ZNF821: variants seen among roughly 807,000 people sequenced by gnomAD.
ZNF821 encodes zinc finger protein 821.
Under a neutral mutation model 44.3 loss-of-function variants are expected in ZNF821, and 16 were observed. The observed-to-expected ratio is 0.36, with a 90% CI of 0.24 to 0.55. The LOEUF is 0.55. ZNF821 is among the 20% of genes least tolerant of loss of function. The pLI is 0.86. For missense variants in ZNF821, 436 were observed against 547.6 expected, an observed-to-expected ratio of 0.80 and a Z score of 2.03; for synonymous variants, 204 against 197.6, an observed-to-expected ratio of 1.03 and a Z score of -0.27.
intron 3 of ZNF821, 21 bp from the exon 4 acceptor site, chr16:71,868,058 T>C (rs925429256): frequency 3.1e-5 from 47 of 1,530,560 alleles, no homozygotes; most frequent in East Asian, 1.2e-4. Context: ...CAAGGAAAAA[T>C]AGTCAGGCCA....
chr16:71,887,967 A>G (rs2036868009), upstream of ZNF821, among the ~76,000 whole-genome samples: 1 of 151,044 alleles, frequency 6.6e-6, no homozygotes, highest in African/African-American at 2.4e-5. Context: ...AGCTCAGGTG[A>G]TCATCCCACC....
rs374644793 is a variant in ZNF821, at chr16:71,860,406, C to T, written c.851G>A (p.Arg284Gln). 5.0e-6 allele frequency: 8 copies of T among 1,612,688 alleles called. No individual in the cohort carries two copies. The highest frequency in any genetic ancestry group is 1.3e-5 in the African/African-American group (1 of 74,928). ...LERERTAKKSRRDNETPEERE... is the reference protein window; with the variant it reads ...LERERTAKKSQRDNETPEERE... ...CTCCTCGGGGGTCTCATTGTCCCGC[C>T]GGCTCTTCTTGGCCGTGCGCTCTCG... is the stretch of plus-strand genomic sequence containing the variant. The change falls in exon 8 of 8, where the codon CGG becomes CAG. Residue 284 changes from arginine to glutamine, a missense_variant. Arg to Gln is a conservative substitution (Grantham distance 43). This residue lies in a region of ZNF821 where 72 missense variants were observed against 133.3 expected (regional missense o/e 0.54). Transcript: ENST00000425432. The surrounding 1 kb of genome is among the most constrained non-coding windows in gnomAD (Gnocchi z 7.3).
rs1419948920 is a variant in ZNF821 at position 71,883,270 on chromosome 16, G to C, written c.-137C>G. The C allele has an allele frequency of 1.5e-5, 7 of 452,054 alleles. No individual in the cohort carries two copies. In the East Asian group the frequency reaches 4.9e-4, roughly 31 times the overall value. 28.0% of individuals were successfully genotyped at this position (452,054 alleles called of 1,614,324 possible). On this transcript the variant is annotated 5_prime_UTR_variant, in exon 2 of 8. Transcript: ENST00000425432. Reference sequence around the variant, plus strand: ...AAACTCGACTGAATCCAAGTGATCTGTATCTGCCAAAAAGGAGAGGACAAG... The same window carrying C: ...AAACTCGACTGAATCCAAGTGATCTCTATCTGCCAAAAAGGAGAGGACAAG...
intron 3 of ZNF821, among the ~76,000 whole-genome samples, chr16:71,872,169 G>C (rs770432559): frequency 2.6e-5 from 4 of 152,128 alleles, no homozygotes; most frequent in Non-Finnish European, 5.9e-5. Context: ...ACAAGGCCAT[G>C]TAAGCAAGTT....
chr16:71,872,474 G>A (rs1309142740), intron 3 of ZNF821, among the ~76,000 whole-genome samples: 4 of 152,064 alleles, frequency 2.6e-5, no homozygotes, highest in South Asian at 2.1e-4. Context: ...ATTAGCCGGC[G>A]TGGTGGCAGG....
chr16:71,877,414 C>T (rs1369513715), intron 3 of ZNF821, among the ~76,000 whole-genome samples: 1 of 151,994 alleles, frequency 6.6e-6, no homozygotes, highest in Admixed American at 6.6e-5. Context: ...ATGTATGCCC[C>T]CAGGCCTAGT....
At chr16:71,882,782 T>C (rs1056944215) in intron 2 of ZNF821, among the ~76,000 whole-genome samples, 1 of 152,204 alleles carries the variant, frequency 6.6e-6, no homozygotes, top group African/African-American at 2.4e-5. Flanking sequence ...AAGGACACTC[T>C]TGACCACAAA....
intron 1 of ZNF821, chr16:71,894,750 G>T: frequency 1.1e-6 from 1 of 869,724 alleles, no homozygotes; most frequent in Non-Finnish European, 1.8e-6. Flanking sequence ...TGTCCAGGCT[G>T]GTCTGCAACT....
At chr16:71,869,639 T>G (rs28614137) in intron 3 of ZNF821, among the ~76,000 whole-genome samples, 1 of 152,100 alleles carries the variant, frequency 6.6e-6, no homozygotes, top group South Asian at 2.1e-4. Context: ...ATGTCCTTTT[T>G]CTTTTTTTTT....
intron 3 of ZNF821, among the ~76,000 whole-genome samples, chr16:71,879,345 T>G (rs1441746102): frequency 2.0e-5 from 3 of 152,206 alleles, no homozygotes; most frequent in Non-Finnish European, 4.4e-5. Context: ...TAATTTTTTT[T>G]TTCAAATCCA....
intron 1 of ZNF821, among the ~76,000 whole-genome samples, chr16:71,891,143 G>C (rs1369055459): frequency 6.6e-6 from 1 of 152,126 alleles, no homozygotes; most frequent in East Asian, 1.9e-4. Context: ...CACAAAACAG[G>C]TTGGCTGATT....
At chr16:71,883,862 C>G (rs1313407261) in intron 1 of ZNF821, 46 bp downstream of exon 1, 1 of 152,764 alleles carries the variant, frequency 6.5e-6, no homozygotes, top group Non-Finnish European at 1.5e-5. Context: ...GCGAGGAGCC[C>G]GCATCCCCAG....
chr16:71,887,453 A>G (rs1408853568), upstream of ZNF821, among the ~76,000 whole-genome samples: 2 of 151,884 alleles, frequency 1.3e-5, no homozygotes, highest in African/African-American at 2.4e-5. Flanking sequence ...AGTAGAGACG[A>G]GGTTTCACCG....
At chr16:71,867,750 A>C (rs746816413) in intron 4 of ZNF821, 162 bp downstream of exon 4, 22 of 707,440 alleles carry the variant, frequency 3.1e-5, no homozygotes, top group Non-Finnish European at 4.1e-5. Flanking sequence ...CTGGATAAAC[A>C]CATGCCCACA....
chr16:71,863,989 C>T (rs1271117093), intron 6 of ZNF821, 149 bp downstream of exon 6: 9 of 703,670 alleles, frequency 1.3e-5, no homozygotes, highest in African/African-American at 8.8e-5. Flanking sequence ...TGAGCCACTG[C>T]GCCCAGCCTC....
intron 1 of ZNF821, among the ~76,000 whole-genome samples, chr16:71,893,152 G>A (rs1484333577): frequency 6.7e-6 from 1 of 148,440 alleles, no homozygotes; most frequent in African/African-American, 2.5e-5. Context: ...AGCCTCCCGA[G>A]TAGCTGGGAC....
Position 71,884,114 on chromosome 16 carries a change from A to AGAG in ZNF821, c.-348_-347insCTC, listed in dbSNP as rs2036722217. 1 of 152,150 alleles carries AGAG rather than the reference A, an allele frequency of 6.6e-6. No individual in the cohort carries two copies. The highest frequency in any genetic ancestry group is 1.9e-4 in the East Asian group (1 of 5,162). 9.4% of individuals were successfully genotyped at this position (152,150 alleles called of 1,614,324 possible). A position where few individuals can be genotyped will look rare whatever the true frequency, so the allele number is the denominator to read the frequency against. On this transcript the variant is annotated 5_prime_UTR_variant, in exon 1 of 8. Transcript: ENST00000425432. ...GCGGCGCTGCAGACGGACAAAGCCAACAGCAGACAGACAGACGGAGGGGGA... is the reference window on the plus strand; with the variant it reads ...GCGGCGCTGCAGACGGACAAAGCCAAGAGCAGCAGACAGACAGACGGAGGGGGA...
chr16:71,871,815 T>A (rs2035224813), intron 3 of ZNF821, among the ~76,000 whole-genome samples: 1 of 152,052 alleles, frequency 6.6e-6, no homozygotes, highest in South Asian at 2.1e-4. Flanking sequence ...ATACTGTTTG[T>A]CTGCAATTTG....
At chr16:71,883,830 A>G (rs1216570720) in intron 1 of ZNF821, 78 bp downstream of exon 1, 1 of 152,486 alleles carries the variant, frequency 6.6e-6, no homozygotes, top group Non-Finnish European at 1.5e-5. Flanking sequence ...CAAAAGGACC[A>G]ACAGCCGGCG....
Sources: gnomAD v4.1 joint callset for allele counts (sites outside exome capture counted in the v4.1 genomes callset) on GRCh38, gnomAD v4.1.1 for gene constraint, gnomAD v4.1.1 regional missense constraint, Gnocchi (gnomAD v3.1) non-coding constraint, MANE v1.5 for transcripts, NCBI Gene and HGNC (gene_info 2026-07-23, HGNC 2026-07-21) for gene names.